ARID1B: variants seen among roughly 807,000 people sequenced by gnomAD.
ARID1B encodes AT-rich interaction domain 1B.
ARID1B carries 30 observed loss-of-function variants against 212.3 expected under a neutral mutation model. The ratio of observed to expected loss-of-function variants is 0.14; its 90% CI spans 0.11 to 0.19. The LOEUF is 0.19. Ranked by LOEUF, ARID1B falls within the 10% of genes least tolerant of loss-of-function variation. The pLI is 1.00. For missense variants in ARID1B, 2,891 were observed against 3,204.0 expected (o/e 0.90, Z 2.36); for synonymous variants, 1,402 against 1,301.7 (o/e 1.08, Z -1.66).
intron 2 of ARID1B, among the ~76,000 whole-genome samples, chr6:156,859,862 C>T (rs1442010747): frequency 1.3e-5 from 2 of 152,212 alleles, no homozygotes; most frequent in African/African-American, 4.8e-5. Context: ...CTAATGTTTT[C>T]ATTCAGACTT....
intron 4 of ARID1B, among the ~76,000 whole-genome samples, chr6:157,075,525 A>T (rs781501438): frequency 6.6e-6 from 1 of 152,220 alleles, no homozygotes; most frequent in Non-Finnish European, 1.5e-5. Flanking sequence ...TAGGAGGTGG[A>T]GCTTAATTCC....
At chr6:156,937,745 A>C (rs1562497137) in intron 4 of ARID1B, 1 of 152,194 alleles carries the variant, frequency 6.6e-6, no homozygotes, top group Non-Finnish European at 1.5e-5. Context: ...CAACTGTTTA[A>C]ATGTTTTCTG....
At chr6:157,141,482 T>C (rs1789351086) in intron 7 of ARID1B, among the ~76,000 whole-genome samples, 1 of 152,242 alleles carries the variant, frequency 6.6e-6, no homozygotes, top group South Asian at 2.1e-4. Flanking sequence ...ACAAATAGGA[T>C]TTAATGCAAC....
At chr6:156,927,490 A>G (rs1200901708) in intron 3 of ARID1B, among the ~76,000 whole-genome samples, 3 of 152,098 alleles carry the variant, frequency 2.0e-5, no homozygotes, top group African/African-American at 4.8e-5. Flanking sequence ...GTTTTTTGGT[A>G]AGCATCAAAT....
chr6:157,197,960 GTTAT>G (rs1187290106), intron 16 of ARID1B, among the ~76,000 whole-genome samples: 2 of 152,242 alleles, frequency 1.3e-5, no homozygotes, highest in Non-Finnish European at 2.9e-5. Flanking sequence ...TAAAAATTCA[GTTAT>G]TTGTTTTTAT....
intron 2 of ARID1B, among the ~76,000 whole-genome samples, chr6:156,891,420 C>T (rs1453571256): frequency 6.6e-6 from 1 of 151,864 alleles, no homozygotes; most frequent in Non-Finnish European, 1.5e-5. Context: ...TTTTTGATAA[C>T]TCTTAGACAG....
intron 4 of ARID1B, among the ~76,000 whole-genome samples, chr6:157,004,242 G>T (rs1298565653): frequency 6.6e-6 from 1 of 152,050 alleles, no homozygotes; most frequent in African/African-American, 2.4e-5. Flanking sequence ...TAACATTAGG[G>T]CACATGCTAC....
At chr6:156,841,725 A>T (rs2128086528) in intron 2 of ARID1B, among the ~76,000 whole-genome samples, 1 of 152,234 alleles carries the variant, frequency 6.6e-6, no homozygotes, top group African/African-American at 2.4e-5. Flanking sequence ...TGCTTGTTTT[A>T]TATGGATTAA....
In ARID1B at chr6:157,206,087, G is replaced by A; in HGVS notation, c.5395-80G>A. ...ATGGAAAGGTATTGACGGGTCTCAG[G>A]ATCTTTACCCTCCTCGGTCATATCT... On this transcript the variant is annotated intron_variant, in intron 19 of 19. Coordinates refer to ENST00000636930, the MANE Select transcript of ARID1B (RefSeq NM_001374828.1). This position sits in a 1 kb window ranked among gnomAD's most constrained non-coding sequence, Gnocchi z 6.8. The A allele has an allele frequency of 6.9e-7, 1 of 1,458,166 alleles. No homozygotes were observed. 90.3% of individuals were successfully genotyped at this position (1,458,166 alleles called of 1,614,324 possible).
intron 17 of ARID1B, among the ~76,000 whole-genome samples, chr6:157,199,759 G>A (rs1388721833): frequency 1.3e-5 from 2 of 151,862 alleles, no homozygotes; most frequent in East Asian, 3.9e-4. Flanking sequence ...TGCCTCCTGG[G>A]CTCAAGCGAT....
chr6:156,990,856 C>T (rs1044169991), intron 4 of ARID1B, among the ~76,000 whole-genome samples: 3 of 152,152 alleles, frequency 2.0e-5, no homozygotes, highest in Non-Finnish European at 4.4e-5. Flanking sequence ...ATTGCATTTA[C>T]TAACAAATTA....
At chr6:156,831,974 A>G (rs907909507) in intron 2 of ARID1B, among the ~76,000 whole-genome samples, 26 of 152,208 alleles carry the variant, frequency 1.7e-4, no homozygotes, top group Admixed American at 1.6e-3. Context: ...TTGCCTTTTT[A>G]CCTTTTCATT....
At chr6:156,974,859 T>C (rs1278072418) in intron 4 of ARID1B, among the ~76,000 whole-genome samples, 2 of 152,254 alleles carry the variant, frequency 1.3e-5, no homozygotes, top group Non-Finnish European at 2.9e-5. Flanking sequence ...CTTTTTGCTG[T>C]TGTTGTCATA....
chr6:157,169,239 A>G (rs1285079182), intron 9 of ARID1B: 1 of 152,252 alleles, frequency 6.6e-6, no homozygotes, highest in Non-Finnish European at 1.5e-5. Context: ...TTTTGGAGAA[A>G]GCGAGGACAG....
chr6:156,797,939 G>T (rs1189321369), intron 1 of ARID1B, among the ~76,000 whole-genome samples: 2 of 152,216 alleles, frequency 1.3e-5, no homozygotes, highest in Non-Finnish European at 2.9e-5. Context: ...AGTTCCACAG[G>T]GGGCAGGAAG....
At chr6:157,000,898 T>C (rs1442735854) in intron 4 of ARID1B, among the ~76,000 whole-genome samples, 1 of 152,068 alleles carries the variant, frequency 6.6e-6, no homozygotes, top group Admixed American at 6.6e-5. Flanking sequence ...TTTCACTACG[T>C]TGGCCAGGCT....
Position 156,955,994 on chromosome 6 carries a change from A to C in ARID1B, c.2247+20418A>C, listed in dbSNP as rs1793948258. 6.6e-6 allele frequency among the ~76,000 whole-genome samples: 1 copy of C among 152,014 alleles called. No homozygotes were observed. Among genetic ancestry groups the C allele is most frequent in the Non-Finnish European group, 1.5e-5 (1 of 68,000 alleles). Reference sequence around the variant, plus strand: ...CCCTGTGCTTTGCTTTTTACCACCAACTGCTTGACAGCCGTCCAGGACTGC... The same window carrying C: ...CCCTGTGCTTTGCTTTTTACCACCACCTGCTTGACAGCCGTCCAGGACTGC... On this transcript the variant is annotated intron_variant, in intron 4 of 19. Coordinates refer to ENST00000636930, the MANE Select transcript of ARID1B (RefSeq NM_001374828.1). This position sits in a 1 kb window ranked among gnomAD's most constrained non-coding sequence, Gnocchi z 4.2.
At position 156,778,122 on chromosome 6, in the gene ARID1B, C is replaced by T. The variant is rs1270591671; in HGVS notation, c.442C>T (p.Pro148Ser). The T allele has an allele frequency of 1.3e-6, 2 of 1,541,518 alleles. No homozygotes were observed. The highest frequency in any genetic ancestry group is 1.4e-5 in the African/African-American group (1 of 72,840). ...PGSAMETGLLPNHKLKTVGEA... is the reference protein window; with the variant it reads ...PGSAMETGLLSNHKLKTVGEA... ...CTCGGCCATGGAGACGGGGCTGCTC[C>T]CCAACCACAAACTGAAAACCGTTGG... Residue 148 changes from proline to serine, a missense_variant, in exon 1 of 20, where the codon CCC (proline) becomes TCC (serine). Around this residue, in one of 7 missense-constraint regions of ARID1B, gnomAD observed 1,643 missense variants for 1,544.0 expected, o/e 1.06. Coordinates refer to ENST00000636930, the MANE Select transcript of ARID1B (RefSeq NM_001374828.1).
chr6:157,165,138 T>C (rs1297958222), intron 8 of ARID1B, among the ~76,000 whole-genome samples: 1 of 152,260 alleles, frequency 6.6e-6, no homozygotes, highest in Admixed American at 6.5e-5. Flanking sequence ...GATGTGTTTA[T>C]AGCTACTGTG....
Sources: gnomAD v4.1 joint callset for allele counts (sites outside exome capture counted in the v4.1 genomes callset) on GRCh38, gnomAD v4.1.1 for gene constraint, gnomAD v4.1.1 regional missense constraint, Gnocchi (gnomAD v3.1) non-coding constraint, MANE v1.5 for transcripts, NCBI Gene and HGNC (gene_info 2026-07-23, HGNC 2026-07-21) for gene names.